Variants in TXNL4A observed in about 807,000 individuals in gnomAD.
TXNL4A encodes the protein thioredoxin-like protein 4A.
TXNL4A carries 17 observed loss-of-function variants against 14.6 expected under a neutral mutation model. That is an observed-to-expected ratio of 1.16 (90% CI 0.80 to 1.74). The LOEUF is 1.74. Ranked by LOEUF, TXNL4A falls within the 40% of genes most tolerant of loss-of-function variation. TXNL4A has a pLI of 0.00. For missense variants in TXNL4A, 74 were observed against 195.2 expected (o/e 0.38, Z 3.70); for synonymous variants, 83 against 70.6 (o/e 1.18, Z -0.88).
At chr18:79,988,012 A>G (rs1483168151) in intron 1 of TXNL4A, among the ~76,000 whole-genome samples, 2 of 150,740 alleles carry the variant, frequency 1.3e-5, no homozygotes, top group Admixed American at 1.3e-4. Context: ...GGGATCATAA[A>G]CCCTTTAAAA....
At chr18:80,009,775 C>G (rs1259239627) in intron 1 of TXNL4A, among the ~76,000 whole-genome samples, 1 of 152,202 alleles carries the variant, frequency 6.6e-6, no homozygotes, top group Admixed American at 6.5e-5. Context: ...CTTGATTCTT[C>G]CCTTGGAGCT....
chr18:80,009,102 A>G (rs1364889843), intron 1 of TXNL4A, among the ~76,000 whole-genome samples: 3 of 152,170 alleles, frequency 2.0e-5, no homozygotes, highest in African/African-American at 7.2e-5. Flanking sequence ...TCTAGGTCTC[A>G]ATTTTCCAGG....
At chr18:79,974,721 C>T (rs2051352632) in intron 2 of TXNL4A, among the ~76,000 whole-genome samples, 2 of 152,146 alleles carry the variant, frequency 1.3e-5, no homozygotes, top group Non-Finnish European at 2.9e-5. Flanking sequence ...TCAAGTGATC[C>T]TCCCACCTCG....
chr18:80,033,899 G>A (rs1472103223), exon 1 of TXNL4A: 2 of 146,268 alleles, frequency 1.4e-5, no homozygotes, highest in African/African-American at 2.6e-5. Context: ...CGCTCTGGTA[G>A]TCGCCCACCT....
rs1479161712 is a variant in TXNL4A, at chr18:79,988,502, A to G, written c.-110T>C. ...GCCCCCGCCGCCCCCGGGCCCACGG[A>G]CGAAATCCGGTCCCGCCCGCACACG... On this transcript the variant is annotated 5_prime_UTR_variant, in exon 1 of 3. Transcript: ENST00000269601. The G allele has an allele frequency of 5.9e-6, 7 of 1,188,830 alleles. No individual in the cohort carries two copies. Among genetic ancestry groups the G allele is most frequent in the Admixed American group, 4.4e-5 (1 of 22,988 alleles). 73.6% of individuals were successfully genotyped at this position (1,188,830 alleles called of 1,614,324 possible).
chr18:79,973,664 T>A lies in TXNL4A; in HGVS notation c.*21A>T. The A allele has an allele frequency of 6.3e-7, 1 of 1,596,688 alleles. No homozygotes were observed. Among genetic ancestry groups the A allele is most frequent in the Non-Finnish European group, 8.5e-7 (1 of 1,173,008 alleles). Reference sequence around the variant, plus strand: ...TACAAAAAGGGCTCCACGACATTTATCCGCGCAGACTGAGGGCGCCTCAGT... The same window carrying A: ...TACAAAAAGGGCTCCACGACATTTAACCGCGCAGACTGAGGGCGCCTCAGT... On this transcript the variant is annotated 3_prime_UTR_variant, in exon 3 of 3. Transcript: ENST00000269601.
intron 1 of TXNL4A, among the ~76,000 whole-genome samples, chr18:79,987,597 T>C (rs1478933587): frequency 6.6e-6 from 1 of 152,212 alleles, no homozygotes; most frequent in East Asian, 1.9e-4. Flanking sequence ...GAATGAAATC[T>C]GGTTATAAAA....
chr18:80,021,983 G>A (rs2051852542), intron 1 of TXNL4A, among the ~76,000 whole-genome samples: 1 of 108,510 alleles, frequency 9.2e-6, no homozygotes, highest in Non-Finnish European at 1.9e-5. Flanking sequence ...TCCCATATGG[G>A]CTAGAATACC....
intron 1 of TXNL4A, among the ~76,000 whole-genome samples, chr18:79,999,041 C>T (rs3952520): frequency 1.3e-5 from 2 of 152,284 alleles, no homozygotes; most frequent in Non-Finnish European, 2.9e-5. Context: ...GTCCTCTTCC[C>T]GAAGCCAGAT....
intron 1 of TXNL4A, among the ~76,000 whole-genome samples, chr18:80,019,439 C>T (rs1238939821): frequency 6.6e-6 from 1 of 152,124 alleles, no homozygotes; most frequent in Non-Finnish European, 1.5e-5. Context: ...AAGTACCTCC[C>T]CCTGGGTCCC....
intron 1 of TXNL4A, chr18:79,995,129 C>A (rs1297850072): frequency 1.3e-5 from 2 of 152,144 alleles, no homozygotes; most frequent in African/African-American, 4.8e-5. Context: ...TTCCTGCCTC[C>A]CGTAAAGATC....
At chr18:80,005,237 C>A (rs1003321154) in intron 1 of TXNL4A, among the ~76,000 whole-genome samples, 1 of 152,232 alleles carries the variant, frequency 6.6e-6, no homozygotes, top group South Asian at 2.1e-4. Context: ...TGTTGAGCAG[C>A]GGCCCTGGCC....
intron 1 of TXNL4A, among the ~76,000 whole-genome samples, chr18:80,013,926 G>A (rs1169141886): frequency 2.0e-5 from 3 of 152,236 alleles, no homozygotes; most frequent in Middle Eastern, 3.4e-3. Context: ...AAACAGGGAG[G>A]GAGGTGAAGG....
intron 1 of TXNL4A, among the ~76,000 whole-genome samples, chr18:80,029,442 TGG>T (rs2051906921): frequency 6.6e-6 from 1 of 152,192 alleles, no homozygotes; most frequent in Non-Finnish European, 1.5e-5. Flanking sequence ...GTTTTCTCAT[TGG>T]GTTAAAGCTT....
At chr18:79,989,632 A>C (rs147959859), upstream of TXNL4A, among the ~76,000 whole-genome samples, 181 of 152,312 alleles carry the variant, frequency 1.2e-3, 1 homozygote, top group African/African-American at 4.1e-3. Flanking sequence ...CTGGTTTGCA[A>C]ACTGATATTG....
At chr18:79,998,974 A>C (rs1181262164) in intron 1 of TXNL4A, among the ~76,000 whole-genome samples, 2 of 152,116 alleles carry the variant, frequency 1.3e-5, no homozygotes, top group Non-Finnish European at 2.9e-5. Context: ...AGAGGAGAGG[A>C]TGGAAATTTT....
intron 1 of TXNL4A, among the ~76,000 whole-genome samples, chr18:80,030,192 A>G: frequency 6.6e-6 from 1 of 152,216 alleles, no homozygotes; most frequent in Non-Finnish European, 1.5e-5. Context: ...AGCAGACAAC[A>G]GCTGTTGTGG....
intron 2 of TXNL4A, among the ~76,000 whole-genome samples, chr18:79,975,523 C>A (rs1356033698): frequency 1.3e-5 from 2 of 152,258 alleles, no homozygotes; most frequent in African/African-American, 4.8e-5. Context: ...CTGGCCTCCA[C>A]TGCACGCTGT....
intron 1 of TXNL4A, among the ~76,000 whole-genome samples, chr18:79,985,330 G>C (rs573379650): frequency 6.6e-6 from 1 of 152,088 alleles, no homozygotes; most frequent in African/African-American, 2.4e-5. Flanking sequence ...ATCACGGCTT[G>C]TCACAGCCTT....
Sources: gnomAD v4.1 joint callset for allele counts (sites outside exome capture counted in the v4.1 genomes callset) on GRCh38, gnomAD v4.1.1 for gene constraint, MANE v1.5 for transcripts, NCBI Gene and HGNC (gene_info 2026-07-23, HGNC 2026-07-21) for gene names.